CCDC148: variants seen among roughly 807,000 people sequenced by gnomAD.
The protein encoded by CCDC148 is coiled-coil domain containing 148, also known as coiled-coil domain-containing protein 148.
In CCDC148, 89 loss-of-function variants were observed where a neutral mutation model predicts 85.7. That is an observed-to-expected ratio of 1.04 (90% CI 0.87 to 1.24). The LOEUF is 1.24. Ranked by LOEUF, CCDC148 falls within the 50% of genes most tolerant of loss-of-function variation. The pLI, the probability that CCDC148 is intolerant of heterozygous loss-of-function variation, is 0.00. For synonymous variants in CCDC148, 230 were observed against 213.9 expected, an observed-to-expected ratio of 1.08 and a Z score of -0.66; for missense variants, 692 against 671.7, an observed-to-expected ratio of 1.03 and a Z score of -0.33.
chr2:158,299,849 C>A (rs970076243), intron 9 of CCDC148, among the ~76,000 whole-genome samples: 1 of 152,120 alleles, frequency 6.6e-6, no homozygotes, highest in African/African-American at 2.4e-5. Flanking sequence ...TGGAGAACTA[C>A]CAAATGTGGA....
In CCDC148 at chr2:158,292,737, A is replaced by C. The variant is rs1293830497; in HGVS notation, c.1110+16696T>G. Among the ~76,000 whole-genome samples the C allele has an allele frequency of 1.3e-5, 2 of 152,218 alleles. 1 individual carries two copies. The highest frequency in any genetic ancestry group is 2.9e-5 in the Non-Finnish European group (2 of 68,026). On this transcript the variant is annotated intron_variant, in intron 9 of 13. Transcript: ENST00000283233. The stretch of plus-strand genomic sequence containing the variant: ...ACCAGAATGAGCTCTGGTGTTATGC[A>C]ATCTATAGGGATTGCCTGAAATAGA...
At chr2:158,371,644 A>G (rs1350889093) in intron 1 of CCDC148, among the ~76,000 whole-genome samples, 1 of 151,442 alleles carries the variant, frequency 6.6e-6, no homozygotes, top group Non-Finnish European at 1.5e-5. Context: ...CCATCTTTCC[A>G]TATCATTCTA....
In CCDC148 at chr2:158,225,837, C is replaced by T. The variant is rs560492645; in HGVS notation, c.1252-5124G>A. On this transcript the variant is annotated intron_variant, in intron 10 of 13. Coordinates refer to ENST00000283233, the MANE Select transcript of CCDC148 (RefSeq NM_138803.4). ...AGAGGGAAATTTATAGCACTAAATG[C>T]CCACAAGAGAAAGCAGGAAAGATCC... 2.0e-3 allele frequency among the ~76,000 whole-genome samples: 301 copies of T among 152,144 alleles called. 1 individual carries two copies. Among genetic ancestry groups the T allele is most frequent in the Non-Finnish European group, 2.5e-3 (171 of 67,992 alleles).
At chr2:158,339,375 T>C (rs550154212) in intron 5 of CCDC148, among the ~76,000 whole-genome samples, 1 of 152,312 alleles carries the variant, frequency 6.6e-6, no homozygotes, top group South Asian at 2.1e-4. Flanking sequence ...ACCAGATGTC[T>C]CTGCTCCAAT....
At chr2:158,438,860 C>A (rs1574824389) in intron 1 of CCDC148, among the ~76,000 whole-genome samples, 1 of 151,816 alleles carries the variant, frequency 6.6e-6, no homozygotes, top group Non-Finnish European at 1.5e-5. Context: ...ATGCAGCCAA[C>A]AGACACATGA....
intron 1 of CCDC148, among the ~76,000 whole-genome samples, chr2:158,410,678 T>G (rs900327036): frequency 5.3e-5 from 8 of 152,204 alleles, no homozygotes; most frequent in African/African-American, 1.9e-4. Context: ...CAGAGTTTAC[T>G]TCTTTTTGTA....
intron 1 of CCDC148, among the ~76,000 whole-genome samples, chr2:158,423,834 A>G (rs964024639): frequency 6.6e-6 from 1 of 150,952 alleles, no homozygotes; most frequent in African/African-American, 2.4e-5. Flanking sequence ...AAGGGCTAAT[A>G]TCCAGAATCT....
intron 8 of CCDC148, among the ~76,000 whole-genome samples, chr2:158,309,976 G>A (rs148113512): frequency 0.012 from 1,901 of 152,154 alleles, 28 homozygotes; most frequent in African/African-American, 0.039. Context: ...TCAGAGAGGC[G>A]GATTTGGCAG....
At chr2:158,272,580 T>A (rs1271043064) in intron 9 of CCDC148, among the ~76,000 whole-genome samples, 2 of 152,188 alleles carry the variant, frequency 1.3e-5, no homozygotes, top group African/African-American at 4.8e-5. Context: ...GACCTTTTGA[T>A]GAAGCTGCAG....
intron 11 of CCDC148, among the ~76,000 whole-genome samples, chr2:158,204,906 A>G (rs1353817822): frequency 6.6e-6 from 1 of 152,198 alleles, no homozygotes; most frequent in East Asian, 1.9e-4. Context: ...CTGAAGACCC[A>G]GTGGATCTAC....
At chr2:158,407,292 C>T (rs1473100846) in intron 1 of CCDC148, among the ~76,000 whole-genome samples, 2 of 152,098 alleles carry the variant, frequency 1.3e-5, no homozygotes, top group African/African-American at 4.8e-5. Context: ...CTCCAGTATG[C>T]ACTAGGCTTT....
chr2:158,369,901 A>C (rs1423252119), intron 1 of CCDC148, among the ~76,000 whole-genome samples: 1 of 152,126 alleles, frequency 6.6e-6, no homozygotes, highest in African/African-American at 2.4e-5. Context: ...ATTTTATCGA[A>C]GGCCTTTTCT....
intron 1 of CCDC148, among the ~76,000 whole-genome samples, chr2:158,427,171 T>A (rs981502183): frequency 2.0e-5 from 3 of 152,316 alleles, no homozygotes; most frequent in Admixed American, 1.3e-4. Flanking sequence ...TAAAAGGCCA[T>A]AAATAGTCAT....
At chr2:158,208,546 G>T (rs1686379715) in intron 11 of CCDC148, among the ~76,000 whole-genome samples, 2 of 152,182 alleles carry the variant, frequency 1.3e-5, no homozygotes, top group Admixed American at 1.3e-4. Flanking sequence ...CCTGGGCAGG[G>T]TGGCACGACA....
intron 9 of CCDC148, among the ~76,000 whole-genome samples, chr2:158,256,945 T>C (rs761335009): frequency 6.6e-6 from 1 of 151,808 alleles, no homozygotes; most frequent in Non-Finnish European, 1.5e-5. Context: ...GTCTTATTCA[T>C]AGGCTGTCTC....
intron 2 of CCDC148, among the ~76,000 whole-genome samples, chr2:158,346,938 T>A (rs905730081): frequency 2.9e-5 from 3 of 104,342 alleles, no homozygotes; most frequent in African/African-American, 8.0e-5. Flanking sequence ...AAATACAAAG[T>A]CAAAGTCAAA....
chr2:158,301,420 A>C (rs1033964439), intron 9 of CCDC148, among the ~76,000 whole-genome samples: 10 of 152,214 alleles, frequency 6.6e-5, no homozygotes, highest in African/African-American at 1.2e-4. Flanking sequence ...TGGACACTGA[A>C]TTTGAGGCAT....
At chr2:158,435,752 C>G (rs371676088) in intron 1 of CCDC148, among the ~76,000 whole-genome samples, 4 of 152,178 alleles carry the variant, frequency 2.6e-5, no homozygotes, top group East Asian at 3.9e-4. Context: ...CACAGACAAA[C>G]ATAAGCTCAA....
At chr2:158,235,526 C>T (rs1688062895) in intron 10 of CCDC148, among the ~76,000 whole-genome samples, 1 of 152,138 alleles carries the variant, frequency 6.6e-6, no homozygotes, top group African/African-American at 2.4e-5. Context: ...TACTCCTCCT[C>T]CCAATACATG....
Sources: gnomAD v4.1 joint callset for allele counts (sites outside exome capture counted in the v4.1 genomes callset) on GRCh38, gnomAD v4.1.1 for gene constraint, MANE v1.5 for transcripts, NCBI Gene and HGNC (gene_info 2026-07-23, HGNC 2026-07-21) for gene names.